Variants in PCDHGA7 observed in about 807,000 individuals in gnomAD.
PCDHGA7 encodes the protein protocadherin gamma-A7.
PCDHGA7 carries 44 observed loss-of-function variants against 58.3 expected under a neutral mutation model. The observed-to-expected ratio is 0.75, with a 90% CI of 0.59 to 0.97. The LOEUF (loss-of-function observed/expected upper bound fraction) is 0.97, where lower values mean the gene tolerates loss of function less well. PCDHGA7 is among the 50% of genes least tolerant of loss of function. The pLI is 0.00. For missense variants in PCDHGA7, 1,266 were observed against 1,188.7 expected, an observed-to-expected ratio of 1.06 and a Z score of -0.96; for synonymous variants, 516 against 504.2, an observed-to-expected ratio of 1.02 and a Z score of -0.31.
chr5:141,491,583 C>G lies in PCDHGA7; in HGVS notation c.2425-3224C>G. On this transcript the variant is annotated intron_variant, in intron 1 of 3. Coordinates refer to ENST00000518325, the MANE Select transcript of PCDHGA7 (RefSeq NM_018920.4). This position sits in a 1 kb window ranked among gnomAD's most constrained non-coding sequence, Gnocchi z 6.9. ...GCTACAGGACGTGCTTTTCACCGGC[C>G]TCGGACGGCAGTGACTTCACTTTTC... is the stretch of plus-strand genomic sequence containing the variant. 1 of 1,613,964 alleles carries G rather than the reference C, an allele frequency of 6.2e-7. No individual in the cohort carries two copies. The highest frequency in any genetic ancestry group is 8.5e-7 in the Non-Finnish European group (1 of 1,180,046).
At chr5:141,388,387 A>G (rs746929136) in intron 1 of PCDHGA7, 5 of 1,614,034 alleles carry the variant, frequency 3.1e-6, no homozygotes, top group South Asian at 2.2e-5. Flanking sequence ...AACACACTGC[A>G]GAATTACCAA....
chr5:141,431,670 T>C lies in PCDHGA7; in HGVS notation c.2424+46347T>C, dbSNP rs767342240. 1 of 1,614,070 alleles carries C rather than the reference T, an allele frequency of 6.2e-7. No homozygotes were observed. The highest frequency in any genetic ancestry group is 8.5e-7 in the Non-Finnish European group (1 of 1,180,026). On this transcript the variant is annotated intron_variant, in intron 1 of 3. Coordinates refer to ENST00000518325, the MANE Select transcript of PCDHGA7 (RefSeq NM_018920.4). This position sits in a 1 kb window ranked among gnomAD's most constrained non-coding sequence, Gnocchi z 4.8. ...TGTAATTCAGGGACAATATCAACAATAGGGGAGTTGGACCACGAGGAGTCA... is the reference window on the plus strand; with the variant it reads ...TGTAATTCAGGGACAATATCAACAACAGGGGAGTTGGACCACGAGGAGTCA...
At chr5:141,500,822 T>A (rs1377955680) in intron 2 of PCDHGA7, among the ~76,000 whole-genome samples, 1 of 152,240 alleles carries the variant, frequency 6.6e-6, no homozygotes, top group African/African-American at 2.4e-5. Context: ...TACATATTAT[T>A]TTTCTAATGC....
chr5:141,490,143 A>G lies in PCDHGA7; in HGVS notation c.2425-4664A>G. On this transcript the variant is annotated intron_variant, in intron 1 of 3. Transcript: ENST00000518325. The surrounding 1 kb of genome is among the most constrained non-coding windows in gnomAD (Gnocchi z 5.4). ...TTGGCCTAGACCCTAGCAGTGGGGC[A>G]ATCCATGTGTTGGGTCCCATAGACT... is the stretch of plus-strand genomic sequence containing the variant. 1 of 1,614,234 alleles carries G rather than the reference A, an allele frequency of 6.2e-7. No homozygotes were observed. The highest frequency in any genetic ancestry group is 8.5e-7 in the Non-Finnish European group (1 of 1,180,034).
Position 141,491,445 on chromosome 5 carries a change from C to G in PCDHGA7, c.2425-3362C>G. ...GAGGGCAGTGCTGCAGGCGCCAGGACTCACCCTCCCCGGACTTCTATAAGC... is the reference window on the plus strand; with the variant it reads ...GAGGGCAGTGCTGCAGGCGCCAGGAGTCACCCTCCCCGGACTTCTATAAGC... On this transcript the variant is annotated intron_variant, in intron 1 of 3. Coordinates refer to ENST00000518325, the MANE Select transcript of PCDHGA7 (RefSeq NM_018920.4). This position sits in a 1 kb window ranked among gnomAD's most constrained non-coding sequence, Gnocchi z 6.9. 6.2e-7 allele frequency: 1 copy of G among 1,614,112 alleles called. No individual in the cohort carries two copies. Among genetic ancestry groups the G allele is most frequent in the Non-Finnish European group, 8.5e-7 (1 of 1,180,032 alleles).
chr5:141,404,387 C>A, intron 1 of PCDHGA7: 1 of 1,613,874 alleles, frequency 6.2e-7, no homozygotes, highest in Non-Finnish European at 8.5e-7. Context: ...TGCCTATGAC[C>A]CTGATAGCAA....
chr5:141,466,450 G>A lies in PCDHGA7; in HGVS notation c.2425-28357G>A, dbSNP rs139024933. Reference sequence around the variant, plus strand: ...TAAGCTGAACCGAGATGTCTATGGTGTTGGCTATTGTTTCTGCTGTTAATT... The same window carrying A: ...TAAGCTGAACCGAGATGTCTATGGTATTGGCTATTGTTTCTGCTGTTAATT... On this transcript the variant is annotated intron_variant, in intron 1 of 3. Coordinates refer to ENST00000518325, the MANE Select transcript of PCDHGA7 (RefSeq NM_018920.4). Among the ~76,000 whole-genome samples, 714 of 152,290 alleles carry A rather than the reference G, an allele frequency of 4.7e-3. 2 individuals are homozygous for A. Among genetic ancestry groups the A allele is most frequent in the Non-Finnish European group, 7.0e-3 (479 of 68,028 alleles).
chr5:141,511,002 C>T lies in PCDHGA7; in HGVS notation c.2628C>T (p.Ser876=), dbSNP rs143630962. 77 of 1,614,140 alleles carry T rather than the reference C, an allele frequency of 4.8e-5. No individual in the cohort carries two copies. Among genetic ancestry groups the T allele is most frequent in the South Asian group, 2.1e-4 (19 of 91,080 alleles). ...GGGGTGCCGGCACCATGGGATTGAG[C>T]GCCCGCTACGGACCCCAGTTCACCC... The part of the protein sequence containing the change: ...LGGGAGTMGL[S]ARYGPQFTLQ... Residue 876 remains serine (S), a synonymous_variant, in exon 4 of 4, where the codon AGC becomes AGT. Coordinates refer to ENST00000518325, the MANE Select transcript of PCDHGA7 (RefSeq NM_018920.4).
At chr5:141,439,524 A>T (rs774174912) in intron 1 of PCDHGA7, among the ~76,000 whole-genome samples, 2 of 152,114 alleles carry the variant, frequency 1.3e-5, no homozygotes, top group Admixed American at 6.5e-5. Flanking sequence ...AACTAACTCT[A>T]CAGAACGCTG....
intron 1 of PCDHGA7, among the ~76,000 whole-genome samples, chr5:141,433,818 CA>C (rs2097653666): frequency 7.5e-6 from 1 of 133,558 alleles, no homozygotes; most frequent in African/African-American, 2.9e-5. Flanking sequence ...GCCTGGGCAA[CA>C]AGAGTGAAAC....
chr5:141,511,453 T>G lies in PCDHGA7; in HGVS notation c.*280T>G. 1.7e-6 allele frequency: 1 copy of G among 595,822 alleles called. No individual in the cohort carries two copies. Among genetic ancestry groups the G allele is most frequent in the Non-Finnish European group, 2.8e-6 (1 of 360,062 alleles). 36.9% of individuals were successfully genotyped at this position (595,822 alleles called of 1,614,324 possible). ...GGTTACTGTAGACACCAAGAACCATTTGCCACACCCCGTTTAGTTACAGCT... is the reference window on the plus strand; with the variant it reads ...GGTTACTGTAGACACCAAGAACCATGTGCCACACCCCGTTTAGTTACAGCT... On this transcript the variant is annotated 3_prime_UTR_variant, in exon 4 of 4. Transcript: ENST00000518325.
At position 141,489,662 on chromosome 5, in the gene PCDHGA7, G is replaced by A. The variant is rs2233601; in HGVS notation, c.2425-5145G>A. On this transcript the variant is annotated intron_variant, in intron 1 of 3. Coordinates refer to ENST00000518325, the MANE Select transcript of PCDHGA7 (RefSeq NM_018920.4). This position sits in a 1 kb window ranked among gnomAD's most constrained non-coding sequence, Gnocchi z 4.5. ...TTTGCCACCCCTGAGCGAGAGATGC[G>A]CATCTCAGAATCAGCAGCATCTGGG... The A allele has an allele frequency of 4.0e-4, 649 of 1,614,144 alleles. 2 individuals are homozygous for A. The highest frequency in any genetic ancestry group is 1.5e-3 in the Middle Eastern group (9 of 6,062).
In PCDHGA7 at chr5:141,486,110, G is replaced by A. The variant is rs780031943; in HGVS notation, c.2425-8697G>A. 1.2e-6 allele frequency: 2 copies of A among 1,614,162 alleles called. No individual in the cohort carries two copies. Among genetic ancestry groups the A allele is most frequent in the South Asian group, 1.1e-5 (1 of 91,078 alleles). On this transcript the variant is annotated intron_variant, in intron 1 of 3. Transcript: ENST00000518325. This position sits in a 1 kb window ranked among gnomAD's most constrained non-coding sequence, Gnocchi z 5.0. ...TTTGGGGCCCCTAGACTTTGAGAGT[G>A]AGAATTACTATGAATTTGATGTGCG...
chr5:141,494,812 C>G lies in PCDHGA7; in HGVS notation c.2430C>G (p.Ala810=). The part of the protein sequence containing the change: ...CKENLPSIQQ[A]PPNTDWRFSQ... ...TCCCTCTGTTTTCTCCACAGCAAGCCCCGCCCAACACGGACTGGCGTTTCT... is the reference window on the plus strand; with the variant it reads ...TCCCTCTGTTTTCTCCACAGCAAGCGCCGCCCAACACGGACTGGCGTTTCT... The change falls in exon 2 of 4, where the codon GCC becomes GCG. Residue 810 remains alanine, a synonymous_variant. Coordinates refer to ENST00000518325, the MANE Select transcript of PCDHGA7 (RefSeq NM_018920.4). 4 of 1,614,146 alleles carry G rather than the reference C, an allele frequency of 2.5e-6. No homozygotes were observed. The highest frequency in any genetic ancestry group is 3.4e-6 in the Non-Finnish European group (4 of 1,180,016).
intron 1 of PCDHGA7, chr5:141,413,221 G>A (rs1384304697): frequency 1.2e-6 from 2 of 1,613,452 alleles, no homozygotes; most frequent in East Asian, 2.2e-5. Flanking sequence ...GGATTGCAGC[G>A]GGCTGGTCCT....
intron 1 of PCDHGA7, 82 bp from the exon 2 acceptor site, chr5:141,494,725 C>T: frequency 6.2e-7 from 1 of 1,610,026 alleles, no homozygotes; most frequent in Middle Eastern, 1.7e-4. Context: ...CCCTCCTTCT[C>T]TCCCGGCCCA....
intron 1 of PCDHGA7, 48 bp downstream of exon 1, chr5:141,385,371 T>C: frequency 2.6e-6 from 4 of 1,529,296 alleles, no homozygotes; most frequent in Non-Finnish European, 3.5e-6. Context: ...ATTTGCATGA[T>C]ATTTCTCTAT....
intron 1 of PCDHGA7, chr5:141,394,156 AC>A (rs2092929687): frequency 6.2e-7 from 1 of 1,613,556 alleles, no homozygotes; most frequent in Admixed American, 1.7e-5. Flanking sequence ...ATTAACGACA[AC>A]CCTCCTACTT....
intron 1 of PCDHGA7, among the ~76,000 whole-genome samples, chr5:141,435,478 C>A (rs1279447863): frequency 6.6e-6 from 1 of 152,146 alleles, no homozygotes; most frequent in Non-Finnish European, 1.5e-5. Flanking sequence ...TTAGACATTT[C>A]TTTTGCCCAT....
Sources: allele counts gnomAD v4.1 joint callset (sites outside exome capture counted in the v4.1 genomes callset), GRCh38; gene constraint gnomAD v4.1.1; non-coding constraint Gnocchi (gnomAD v3.1); transcripts MANE v1.5; gene names NCBI Gene and HGNC (gene_info 2026-07-23, HGNC 2026-07-21).